ADCY8: variants seen among roughly 807,000 people sequenced by gnomAD.
ADCY8 encodes the protein adenylate cyclase 8, also known as adenylate cyclase type 8.
Under a neutral mutation model 119.7 loss-of-function variants are expected in ADCY8, and 51 were observed. The observed-to-expected ratio is 0.43, with a 90% CI of 0.34 to 0.54. ADCY8 has a LOEUF of 0.54. Among genes scored for constraint, ADCY8 ranks in the 20% least tolerant of loss-of-function variants. ADCY8 has a pLI of 0.03. For missense variants in ADCY8, 1,383 were observed against 1,598.8 expected, an observed-to-expected ratio of 0.87 and a Z score of 2.30; for synonymous variants, 665 against 651.0, an observed-to-expected ratio of 1.02 and a Z score of -0.33.
chr8:130,884,480 C>T, intron 8 of ADCY8, 84 bp downstream of exon 8: 1 of 1,442,846 alleles, frequency 6.9e-7, no homozygotes, highest in East Asian at 2.3e-5. Context: ...ACCAAAACCA[C>T]AGCCCCTGGG....
chr8:130,865,404 G>A (rs1315450126), intron 9 of ADCY8, among the ~76,000 whole-genome samples: 2 of 151,312 alleles, frequency 1.3e-5, no homozygotes, highest in East Asian at 1.9e-4. Flanking sequence ...TCTAATTTTG[G>A]TTAGGTTGTT....
At chr8:130,793,312 G>A (rs1417256361) in intron 15 of ADCY8, among the ~76,000 whole-genome samples, 1 of 152,110 alleles carries the variant, frequency 6.6e-6, no homozygotes, top group Non-Finnish European at 1.5e-5. Flanking sequence ...CACCCAGGTC[G>A]GGGGATTTTT....
At chr8:131,012,736 T>C (rs932665620) in intron 1 of ADCY8, among the ~76,000 whole-genome samples, 27 of 152,200 alleles carry the variant, frequency 1.8e-4, no homozygotes, top group Admixed American at 3.9e-4. Context: ...ATGGAACTCA[T>C]AATGGAACTC....
At chr8:130,983,614 G>T (rs1822304795) in intron 2 of ADCY8, among the ~76,000 whole-genome samples, 1 of 152,194 alleles carries the variant, frequency 6.6e-6, no homozygotes, top group East Asian at 1.9e-4. Context: ...TCACGCTGGG[G>T]ACAGGTGGTG....
chr8:130,780,626 C>T lies in ADCY8; in HGVS notation c.3520G>A (p.Val1174Ile). 7 of 1,614,204 alleles carry T rather than the reference C, an allele frequency of 4.3e-6. No homozygotes were observed. Among genetic ancestry groups the T allele is most frequent in the Non-Finnish European group, 5.9e-6 (7 of 1,180,026 alleles). ...GGCAAGATGAATGGGTTGGGTTGGA[C>T]TCTTCCCAGAAGAAAGTACGTTTTG... ...KIKTYFLLGRVQPNPFILPPR... is the reference protein window; with the variant it reads ...KIKTYFLLGRIQPNPFILPPR... Residue 1174 changes from valine (V) to isoleucine (I), a missense_variant, in exon 18 of 18, where the codon GTC becomes ATC. Transcript: ENST00000286355.
At chr8:131,022,093 C>A (rs1313349801) in intron 1 of ADCY8, among the ~76,000 whole-genome samples, 1 of 152,008 alleles carries the variant, frequency 6.6e-6, no homozygotes. Flanking sequence ...TGATTCTTTT[C>A]TTTTTCCATT....
intron 14 of ADCY8, among the ~76,000 whole-genome samples, chr8:130,808,865 G>A (rs1586434224): frequency 2.0e-5 from 3 of 150,142 alleles, no homozygotes; most frequent in Non-Finnish European, 4.4e-5. Flanking sequence ...CAGCACCTGG[G>A]ACAGCTGCCC....
At position 130,780,343 on chromosome 8, in the gene ADCY8, T is replaced by G; in HGVS notation, c.*47A>C. On this transcript the variant is annotated 3_prime_UTR_variant, in exon 18 of 18. Coordinates refer to ENST00000286355, the MANE Select transcript of ADCY8 (RefSeq NM_001115.3). ...AAACCTTTTTATTAGTATATTTATTTTATATATAAAAGAAATACAAAAAAA... is the reference window on the plus strand; with the variant it reads ...AAACCTTTTTATTAGTATATTTATTGTATATATAAAAGAAATACAAAAAAA... 8.1e-7 allele frequency: 1 copy of G among 1,235,146 alleles called. No homozygotes were observed. Among genetic ancestry groups the G allele is most frequent in the Non-Finnish European group, 1.0e-6 (1 of 979,224 alleles). 76.5% of individuals were successfully genotyped at this position (1,235,146 alleles called of 1,614,324 possible). A position where few individuals can be genotyped will look rare whatever the true frequency, so the allele number is the denominator to read the frequency against.
intron 2 of ADCY8, among the ~76,000 whole-genome samples, chr8:130,988,156 T>C (rs1419538122): frequency 1.3e-5 from 2 of 152,236 alleles, no homozygotes; most frequent in African/African-American, 4.8e-5. Flanking sequence ...TTTGAAAGCC[T>C]ATGTTTTTTC....
intron 8 of ADCY8, among the ~76,000 whole-genome samples, chr8:130,879,649 A>G (rs777055656): frequency 7.2e-5 from 11 of 152,200 alleles, no homozygotes; most frequent in Non-Finnish European, 1.3e-4. Context: ...GAGAATAGTC[A>G]TTACAACATA....
chr8:130,848,171 T>TG (rs1243825796), intron 10 of ADCY8, among the ~76,000 whole-genome samples: 1 of 152,168 alleles, frequency 6.6e-6, no homozygotes, highest in Non-Finnish European at 1.5e-5. Flanking sequence ...AGCTGGTGAC[T>TG]GGTGGATCTG....
At chr8:130,849,226 G>A (rs1425041862) in intron 10 of ADCY8, among the ~76,000 whole-genome samples, 3 of 152,174 alleles carry the variant, frequency 2.0e-5, no homozygotes, top group African/African-American at 7.2e-5. Context: ...GGGTTTATGT[G>A]AGGATTAAAT....
chr8:130,913,543 T>G (rs1159102813), intron 5 of ADCY8, among the ~76,000 whole-genome samples: 1 of 152,140 alleles, frequency 6.6e-6, no homozygotes, highest in Admixed American at 6.6e-5. Context: ...TCAACCACAG[T>G]CTTTAAAATT....
intron 8 of ADCY8, among the ~76,000 whole-genome samples, chr8:130,882,124 T>G (rs1439460435): frequency 1.4e-4 from 21 of 151,244 alleles, no homozygotes; most frequent in South Asian, 4.2e-4. Context: ...TGAGGTTTTT[T>G]TTTTTTTTTT....
chr8:130,934,227 G>T (rs2130617194), intron 5 of ADCY8, among the ~76,000 whole-genome samples: 1 of 152,284 alleles, frequency 6.6e-6, no homozygotes, highest in South Asian at 2.1e-4. Context: ...CCTGAGACTG[G>T]GTAATTTATA....
intron 1 of ADCY8, among the ~76,000 whole-genome samples, chr8:131,031,185 G>A (rs1011569413): frequency 6.6e-6 from 1 of 151,952 alleles, no homozygotes; most frequent in African/African-American, 2.4e-5. Context: ...TTACATCCCT[G>A]ATGGATTGTT....
In ADCY8 at chr8:131,023,431, T is replaced by C. The variant is rs143599132; in HGVS notation, c.960+15943A>G. Among the ~76,000 whole-genome samples the C allele has an allele frequency of 2.4e-4, 37 of 152,254 alleles. No individual in the cohort carries two copies. In the East Asian group the frequency reaches 7.2e-3, roughly 29 times the overall value. On this transcript the variant is annotated intron_variant, in intron 1 of 17. Transcript: ENST00000286355. Reference sequence around the variant, plus strand: ...TCTGAAACATTTTTTGGTGGAAGCTTGGCAGTGCCTTGGTAGGTCACAGAG... The same window carrying C: ...TCTGAAACATTTTTTGGTGGAAGCTCGGCAGTGCCTTGGTAGGTCACAGAG...
At chr8:130,881,099 A>C (rs1245161436) in intron 8 of ADCY8, among the ~76,000 whole-genome samples, 1 of 152,176 alleles carries the variant, frequency 6.6e-6, no homozygotes, top group African/African-American at 2.4e-5. Flanking sequence ...TTCTCTGCTG[A>C]AACTCCACTA....
intron 3 of ADCY8, among the ~76,000 whole-genome samples, chr8:130,945,927 G>A (rs537990376): frequency 4.0e-4 from 61 of 152,278 alleles, no homozygotes; most frequent in African/African-American, 1.4e-3. Context: ...TGAGGCCTAC[G>A]TATCTTGCCT....
Sources: gnomAD v4.1 joint callset for allele counts (sites outside exome capture counted in the v4.1 genomes callset) on GRCh38, gnomAD v4.1.1 for gene constraint, MANE v1.5 for transcripts, NCBI Gene and HGNC (gene_info 2026-07-23, HGNC 2026-07-21) for gene names.